BTBD9: variants seen among roughly 807,000 people sequenced by gnomAD.
BTBD9 encodes the protein BTB domain containing 9.
A neutral mutation model predicts 64.3 loss-of-function variants in BTBD9; 49 were observed. That is an observed-to-expected ratio of 0.76 (90% CI 0.61 to 0.97). The LOEUF is 0.97. Among genes scored for constraint, BTBD9 ranks in the 50% least tolerant of loss-of-function variants. BTBD9 has a pLI of 0.00. For missense variants in BTBD9, 598 were observed against 762.1 expected, an observed-to-expected ratio of 0.78 and a Z score of 2.53; for synonymous variants, 260 against 274.7, an observed-to-expected ratio of 0.95 and a Z score of 0.53.
chr6:38,572,880 A>C lies in BTBD9; in HGVS notation c.1154+4720T>G, dbSNP rs183049644. Among the ~76,000 whole-genome samples the C allele has an allele frequency of 1.2e-4, 19 of 152,080 alleles. No homozygotes were observed. In the East Asian group the frequency reaches 3.5e-3, roughly 28 times the overall value. ...CATAATACCAAGCCAGAAATCATTT[A>C]AAAGACTGACAGATTTGAATACATT... On this transcript the variant is annotated intron_variant, in intron 6 of 10. Transcript: ENST00000481247.
chr6:38,472,590 T>C (rs1056317118), intron 6 of BTBD9, among the ~76,000 whole-genome samples: 1 of 152,212 alleles, frequency 6.6e-6, no homozygotes, highest in African/African-American at 2.4e-5. Flanking sequence ...GTAGCCTACA[T>C]GTTGAAAACA....
Position 38,199,099 on chromosome 6 carries a change from C to A in BTBD9, c.1563-6502G>T, listed in dbSNP as rs898426758. On this transcript the variant is annotated intron_variant, in intron 9 of 10. Transcript: ENST00000481247. ...TTCCTGCATAGTGGGGACAACCATC[C>A]CTTCACCTTGACAGGAGACACACAT... Among the ~76,000 whole-genome samples, 14 of 152,154 alleles carry A rather than the reference C, an allele frequency of 9.2e-5. 1 individual carries two copies.
chr6:38,553,214 A>G (rs755916718), intron 6 of BTBD9, among the ~76,000 whole-genome samples: 1 of 152,178 alleles, frequency 6.6e-6, no homozygotes, highest in African/African-American at 2.4e-5. Flanking sequence ...CACACAGCTG[A>G]CTGTATCAGA....
chr6:38,516,367 T>C (rs1037613370), intron 6 of BTBD9, among the ~76,000 whole-genome samples: 2 of 152,184 alleles, frequency 1.3e-5, no homozygotes, highest in South Asian at 2.1e-4. Flanking sequence ...TGTGACTTTA[T>C]GTCCCTAGGT....
At chr6:38,407,120 T>G (rs1021898594) in intron 6 of BTBD9, among the ~76,000 whole-genome samples, 1 of 152,240 alleles carries the variant, frequency 6.6e-6, no homozygotes, top group African/African-American at 2.4e-5. Context: ...ATTTCTCAAA[T>G]AGATTTTAAT....
intron 9 of BTBD9, among the ~76,000 whole-genome samples, chr6:38,217,821 C>T (rs115903646): frequency 8.5e-5 from 13 of 152,070 alleles, no homozygotes; most frequent in African/African-American, 3.1e-4. Flanking sequence ...ACCTGGAAAA[C>T]CCTATGCTGC....
At chr6:38,187,494 A>G (rs1327804879) in intron 10 of BTBD9, among the ~76,000 whole-genome samples, 2 of 152,208 alleles carry the variant, frequency 1.3e-5, no homozygotes, top group Non-Finnish European at 2.9e-5. Context: ...TCTAGTGCTG[A>G]GCATGGGAGG....
At chr6:38,209,622 C>A (rs796264439) in intron 9 of BTBD9, among the ~76,000 whole-genome samples, 1 of 152,264 alleles carries the variant, frequency 6.6e-6, no homozygotes, top group African/African-American at 2.4e-5. Context: ...GGGGGGTGGG[C>A]CCTGCTTGAG....
intron 6 of BTBD9, among the ~76,000 whole-genome samples, chr6:38,571,376 T>G (rs1406522635): frequency 6.6e-6 from 1 of 152,220 alleles, no homozygotes; most frequent in Non-Finnish European, 1.5e-5. Context: ...GAAAGAATGC[T>G]TCCATAAATA....
intron 6 of BTBD9, among the ~76,000 whole-genome samples, chr6:38,465,727 A>G (rs9689711): frequency 2.3e-5 from 2 of 85,788 alleles, no homozygotes; most frequent in Admixed American, 1.1e-4. Flanking sequence ...ATATATATAT[A>G]TATATATATA....
chr6:38,217,087 T>C (rs1763030474), intron 9 of BTBD9, among the ~76,000 whole-genome samples: 1 of 150,134 alleles, frequency 6.7e-6, no homozygotes, highest in Admixed American at 6.7e-5. Context: ...GGTGGGTGGA[T>C]CATGAGGTCA....
At chr6:38,474,868 C>A (rs2127372588) in intron 6 of BTBD9, among the ~76,000 whole-genome samples, 1 of 152,044 alleles carries the variant, frequency 6.6e-6, no homozygotes, top group Admixed American at 6.5e-5. Context: ...ACATTAAACT[C>A]CAAATGAAAG....
intron 8 of BTBD9, among the ~76,000 whole-genome samples, chr6:38,277,673 A>G (rs760401825): frequency 1.4e-4 from 21 of 152,194 alleles, no homozygotes; most frequent in Non-Finnish European, 2.8e-4. Flanking sequence ...AAGAGAAAAT[A>G]TTATTATCAT....
intron 1 of BTBD9, among the ~76,000 whole-genome samples, chr6:38,637,134 C>T (rs1270593894): frequency 2.0e-5 from 3 of 152,184 alleles, no homozygotes; most frequent in Non-Finnish European, 4.4e-5. Flanking sequence ...AGCCAAAGCA[C>T]TCTACTCCCC....
intron 7 of BTBD9, among the ~76,000 whole-genome samples, chr6:38,297,142 C>T (rs1258078803): frequency 4.6e-5 from 7 of 152,080 alleles, no homozygotes; most frequent in Admixed American, 2.0e-4. Context: ...CTGAGGTGGG[C>T]GGATCACAAG....
chr6:38,376,902 A>G (rs1765714159), intron 6 of BTBD9, among the ~76,000 whole-genome samples: 1 of 152,334 alleles, frequency 6.6e-6, no homozygotes, highest in Non-Finnish European at 1.5e-5. Context: ...ATACTATGCC[A>G]TAATTTCCTC....
At chr6:38,341,924 C>T (rs1468127876) in intron 7 of BTBD9, among the ~76,000 whole-genome samples, 3 of 152,166 alleles carry the variant, frequency 2.0e-5, no homozygotes, top group South Asian at 2.1e-4. Context: ...TATATGAACC[C>T]GAGGACTACA....
chr6:38,580,164 A>T (rs914870229), intron 5 of BTBD9, 54 bp downstream of exon 5: 15 of 1,524,212 alleles, frequency 9.8e-6, no homozygotes, highest in Non-Finnish European at 1.4e-5. Flanking sequence ...GATGACCACA[A>T]AGCTAAGTCA....
intron 5 of BTBD9, 67 bp downstream of exon 5, chr6:38,580,151 G>C (rs1776222778): frequency 6.9e-7 from 1 of 1,444,618 alleles, no homozygotes; most frequent in Admixed American, 1.9e-5. Context: ...TAAAACAAAA[G>C]TAGATGACCA....
Sources: gnomAD v4.1 joint callset for allele counts (sites outside exome capture counted in the v4.1 genomes callset) on GRCh38, gnomAD v4.1.1 for gene constraint, MANE v1.5 for transcripts, NCBI Gene and HGNC (gene_info 2026-07-23, HGNC 2026-07-21) for gene names.